MDFIC: variants seen among roughly 807,000 people sequenced by gnomAD.
MDFIC encodes myoD family inhibitor domain-containing protein.
Under a neutral mutation model 23.2 loss-of-function variants are expected in MDFIC, and 17 were observed. The observed-to-expected ratio is 0.73, with a 90% CI of 0.50 to 1.10. MDFIC has a LOEUF of 1.10. Ranked by LOEUF, MDFIC falls within the 50% of genes least tolerant of loss-of-function variation. The pLI is 0.00. For synonymous variants in MDFIC, 120 were observed against 115.2 expected, an observed-to-expected ratio of 1.04 and a Z score of -0.27; for missense variants, 356 against 316.6, an observed-to-expected ratio of 1.12 and a Z score of -0.95.
At chr7:114,924,498 A>G (rs1043031025) in intron 2 of MDFIC, among the ~76,000 whole-genome samples, 5 of 152,246 alleles carry the variant, frequency 3.3e-5, no homozygotes, top group African/African-American at 1.2e-4. Flanking sequence ...GAGAATGTGC[A>G]GTGGTACTTA....
intron 4 of MDFIC, among the ~76,000 whole-genome samples, chr7:114,997,543 A>C (rs1243481747): frequency 6.7e-6 from 1 of 149,860 alleles, no homozygotes; most frequent in Non-Finnish European, 1.5e-5. Context: ...TGAGGTTAGG[A>C]ATTTGAGACC....
rs1792129149 is a variant in MDFIC, at chr7:114,923,335, G to A, written c.94+208G>A. ...ACCGGGTAAGAGGGCGGGAACCGTT[G>A]GTCCCTCCACTCCCCCTTCCTTTGG... On this transcript the variant is annotated intron_variant, in intron 2 of 4. Transcript: ENST00000393486. The A allele has an allele frequency of 1.1e-5, 13 of 1,182,144 alleles. No homozygotes were observed. The South Asian group carries it at 1.5e-4, about 14-fold the overall frequency. The allele number at this position is 1,182,144 out of a possible 1,614,324, so 73.2% of individuals were successfully genotyped here. A position where few individuals can be genotyped will look rare whatever the true frequency, so the allele number is the denominator to read the frequency against.
chr7:114,923,736 G>A (rs967613785), intron 2 of MDFIC: 2 of 1,121,372 alleles, frequency 1.8e-6, no homozygotes, highest in Non-Finnish European at 2.3e-6. Context: ...TCTTGTGTCT[G>A]GGAAACTTCC....
chr7:115,007,972 C>T (rs1410020664), intron 4 of MDFIC, among the ~76,000 whole-genome samples: 1 of 150,678 alleles, frequency 6.6e-6, no homozygotes, highest in Non-Finnish European at 1.5e-5. Context: ...CCTCGGGATT[C>T]CAGGAATGAA....
intron 2 of MDFIC, among the ~76,000 whole-genome samples, chr7:114,925,854 T>C (rs1449409241): frequency 6.6e-6 from 1 of 152,220 alleles, no homozygotes; most frequent in Non-Finnish European, 1.5e-5. Context: ...GTAGGCTGGA[T>C]ATGGCCTCTG....
At chr7:114,933,228 G>C (rs890304343) in intron 2 of MDFIC, among the ~76,000 whole-genome samples, 1 of 151,760 alleles carries the variant, frequency 6.6e-6, no homozygotes, top group African/African-American at 2.4e-5. Flanking sequence ...CATTTAAAAA[G>C]GGGAAGATGA....
intron 4 of MDFIC, among the ~76,000 whole-genome samples, chr7:115,001,345 A>G (rs935644048): frequency 5.9e-5 from 9 of 152,222 alleles, no homozygotes; most frequent in Non-Finnish European, 1.0e-4. Flanking sequence ...CTCTTGGGAA[A>G]TCAAACTGGA....
At chr7:114,940,957 T>A (rs1792524958) in intron 2 of MDFIC, among the ~76,000 whole-genome samples, 1 of 152,052 alleles carries the variant, frequency 6.6e-6, no homozygotes. Context: ...TCTTATCAAC[T>A]TCAATATGGG....
chr7:114,994,009 G>C (rs1398115060), intron 4 of MDFIC, among the ~76,000 whole-genome samples: 6 of 151,998 alleles, frequency 3.9e-5, no homozygotes, highest in East Asian at 1.9e-4. Context: ...TCTCTAAGGA[G>C]TTGCTTTATG....
In MDFIC at chr7:115,017,559, C is replaced by T. The variant is rs1400001413; in HGVS notation, c.*1624C>T. 1.3e-5 allele frequency: 2 copies of T among 151,908 alleles called. No individual in the cohort carries two copies. The highest frequency in any genetic ancestry group is 6.6e-5 in the Admixed American group (1 of 15,184). The allele number at this position is 151,908 out of a possible 1,614,324, so 9.4% of individuals were successfully genotyped here. The stretch of plus-strand genomic sequence containing the variant: ...CTACTGTGACCAAATTTCTGTATTA[C>T]GATTTTATGTTAAATTAAACTAATA... On this transcript the variant is annotated 3_prime_UTR_variant, in exon 5 of 5. Transcript: ENST00000393486.
chr7:114,948,789 C>G (rs1213251541), intron 3 of MDFIC, among the ~76,000 whole-genome samples: 2 of 152,182 alleles, frequency 1.3e-5, no homozygotes, highest in South Asian at 2.1e-4. Flanking sequence ...ATATTTACCT[C>G]TAGTTCTCTG....
At chr7:114,975,734 C>G (rs377380622) in intron 3 of MDFIC, among the ~76,000 whole-genome samples, 1 of 151,936 alleles carries the variant, frequency 6.6e-6, no homozygotes, top group Non-Finnish European at 1.5e-5. Flanking sequence ...AAGTCATACC[C>G]ATAAATAATT....
intron 3 of MDFIC, among the ~76,000 whole-genome samples, chr7:114,953,492 A>C (rs1236209113): frequency 2.9e-4 from 44 of 152,328 alleles, no homozygotes; most frequent in Non-Finnish European, 1.0e-4. Context: ...CTGGTCCTGG[A>C]TAGTTGATGT....
chr7:114,995,697 C>G (rs1201607071), intron 4 of MDFIC, among the ~76,000 whole-genome samples: 1 of 152,200 alleles, frequency 6.6e-6, no homozygotes, highest in Non-Finnish European at 1.5e-5. Flanking sequence ...CCTGATCGTT[C>G]CTCTGGAAGC....
Position 114,979,673 on chromosome 7 carries a change from C to T in MDFIC, c.385C>T (p.Gln129Ter). 6.2e-7 allele frequency: 1 copy of T among 1,613,990 alleles called. No individual in the cohort carries two copies. The highest frequency in any genetic ancestry group is 8.5e-7 in the Non-Finnish European group (1 of 1,179,976). ...DNRKLSAPVS[Q>*]KMHRKIQSSL... ...TCGCAAACTTTCAGCACCTGTTTCT[C>T]AAAAAATGCATAGAAAAATTCAGTC... The change falls in exon 4 of 5, where the codon CAA becomes TAA. Residue 129 changes from glutamine (Q) to a stop codon, truncating the protein, a stop_gained. Transcript: ENST00000393486. LOFTEE classifies it high-confidence loss of function.
rs368397901 is a variant in MDFIC, at chr7:114,996,353, G to A, written c.493+16572G>A. On this transcript the variant is annotated intron_variant, in intron 4 of 4. Transcript: ENST00000393486. ...ATTTGCTGAAGAATGAGATTTTGGT[G>A]TGAAAGACAGGGATTAAGGATGACT... 1.2e-3 allele frequency among the ~76,000 whole-genome samples: 185 copies of A among 152,288 alleles called. 1 individual carries two copies. Among genetic ancestry groups the A allele is most frequent in the African/African-American group, 4.3e-3 (177 of 41,586 alleles).
chr7:114,933,331 T>G (rs1792363877), intron 2 of MDFIC, among the ~76,000 whole-genome samples: 1 of 150,208 alleles, frequency 6.7e-6, no homozygotes, highest in Non-Finnish European at 1.5e-5. Flanking sequence ...TGATCTCGGC[T>G]CACTGCAGCC....
Position 115,016,644 on chromosome 7 carries a change from C to CTAAATAAATAAATAAATAAA in MDFIC, c.*734_*753dup. 7.0e-6 allele frequency: 1 copy of CTAAATAAATAAATAAATAAA among 142,346 alleles called. No individual in the cohort carries two copies. Among genetic ancestry groups the CTAAATAAATAAATAAATAAA allele is most frequent in the Non-Finnish European group, 1.5e-5 (1 of 66,542 alleles). The allele number at this position is 142,346 out of a possible 1,614,324, so 8.8% of individuals were successfully genotyped here. A position where few individuals can be genotyped will look rare whatever the true frequency, so the allele number is the denominator to read the frequency against. ...TGGGCAACAGAGCGAGACTCCATCT[C>CTAAATAAATAAATAAATAAA]TAAATAAATAAATAAATAAATAAAT... is the stretch of plus-strand genomic sequence containing the variant. On this transcript the variant is annotated 3_prime_UTR_variant, in exon 5 of 5. Transcript: ENST00000393486.
intron 4 of MDFIC, among the ~76,000 whole-genome samples, chr7:114,995,631 G>A (rs1176228092): frequency 3.9e-5 from 6 of 152,208 alleles, no homozygotes; most frequent in Admixed American, 2.6e-4. Context: ...GTTTGCCTGG[G>A]TATCAGCAGT....
Sources: gnomAD v4.1 joint callset for allele counts (sites outside exome capture counted in the v4.1 genomes callset) on GRCh38, gnomAD v4.1.1 for gene constraint, MANE v1.5 for transcripts, NCBI Gene and HGNC (gene_info 2026-07-23, HGNC 2026-07-21) for gene names.